Variants in CFTR observed in about 807,000 individuals in gnomAD.
CFTR encodes CF transmembrane conductance regulator.
In CFTR, 181 loss-of-function variants were observed where a neutral mutation model predicts 171.6. The ratio of observed to expected loss-of-function variants is 1.05; its 90% CI spans 0.93 to 1.19. The LOEUF is 1.19. CFTR is among the 50% of genes most tolerant of loss of function. The pLI, the probability that CFTR is intolerant of heterozygous loss-of-function variation, is 0.00. For synonymous variants in CFTR, 583 were observed against 608.0 expected, an observed-to-expected ratio of 0.96 and a Z score of 0.60; for missense variants, 1,968 against 1,734.7, an observed-to-expected ratio of 1.13 and a Z score of -2.39.
intron 1 of CFTR, among the ~76,000 whole-genome samples, chr7:117,503,842 T>G (rs1217424894): frequency 6.6e-6 from 1 of 152,214 alleles, no homozygotes; most frequent in Non-Finnish European, 1.5e-5. Flanking sequence ...AAATGTTGAT[T>G]AAGTGCATGT....
chr7:117,509,216 A>G, intron 3 of CFTR, 74 bp downstream of exon 3: 2 of 910,852 alleles, frequency 2.2e-6, no homozygotes, highest in East Asian at 4.8e-5. Context: ...AAAGACTACG[A>G]AATCTGGTGA....
intron 2 of CFTR, among the ~76,000 whole-genome samples, chr7:117,504,622 T>C (rs1317727249): frequency 2.0e-5 from 3 of 151,836 alleles, no homozygotes; most frequent in Non-Finnish European, 1.5e-5. Flanking sequence ...GGAATGGTAG[T>C]GCATGCTTGT....
At chr7:117,656,359 G>A (rs1201817445) in intron 24 of CFTR, among the ~76,000 whole-genome samples, 1 of 152,144 alleles carries the variant, frequency 6.6e-6, no homozygotes, top group Non-Finnish European at 1.5e-5. Context: ...AAGTCGCCAG[G>A]AATCGTCTGC....
Position 117,667,379 on chromosome 7 carries a change from T to C in CFTR, c.*271T>C. The C allele has an allele frequency of 2.3e-6, 1 of 431,814 alleles. No individual in the cohort carries two copies. The highest frequency in any genetic ancestry group is 2.1e-5 in the South Asian group (1 of 47,512). 26.7% of individuals were successfully genotyped at this position (431,814 alleles called of 1,614,324 possible). ...CCACTTGTGTTTTGCAAGCCAGATTTTCCTGAAAACCCTTGCCATGTGCTA... is the reference window on the plus strand; with the variant it reads ...CCACTTGTGTTTTGCAAGCCAGATTCTCCTGAAAACCCTTGCCATGTGCTA... On this transcript the variant is annotated 3_prime_UTR_variant, in exon 27 of 27. Coordinates refer to ENST00000003084, the MANE Select transcript of CFTR (RefSeq NM_000492.4).
intron 11 of CFTR, among the ~76,000 whole-genome samples, chr7:117,561,042 A>G (rs1799455878): frequency 6.6e-6 from 1 of 152,152 alleles, no homozygotes; most frequent in Non-Finnish European, 1.5e-5. Context: ...GTCAACCTTT[A>G]AAAGTATATT....
chr7:117,483,739 T>C (rs1229026114), intron 1 of CFTR, among the ~76,000 whole-genome samples: 1 of 152,012 alleles, frequency 6.6e-6, no homozygotes, highest in Non-Finnish European at 1.5e-5. Context: ...GCTAACTTTT[T>C]TTTTTTTTAA....
chr7:117,549,446 A>C (rs935348717), intron 10 of CFTR, among the ~76,000 whole-genome samples: 3 of 152,342 alleles, frequency 2.0e-5, no homozygotes, highest in Admixed American at 6.5e-5. Context: ...AAACAGCAAA[A>C]GGACCAAAAC....
intron 26 of CFTR, among the ~76,000 whole-genome samples, chr7:117,666,294 G>A (rs1173698023): frequency 6.6e-6 from 1 of 152,164 alleles, no homozygotes; most frequent in East Asian, 1.9e-4. Context: ...GATGTATCAC[G>A]TCATTTCTGT....
intron 11 of CFTR, among the ~76,000 whole-genome samples, chr7:117,577,487 A>G (rs2115990663): frequency 6.6e-6 from 1 of 152,248 alleles, no homozygotes; most frequent in Non-Finnish European, 1.5e-5. Flanking sequence ...GAGGAAAAAA[A>G]GGGCTTTCCT....
chr7:117,621,666 G>C (rs934468493), intron 21 of CFTR, among the ~76,000 whole-genome samples: 17 of 152,198 alleles, frequency 1.1e-4, no homozygotes, highest in Admixed American at 3.3e-4. Context: ...GATGCTTAGA[G>C]AAAAATCATA....
chr7:117,541,625 G>A (rs963017378), intron 8 of CFTR, among the ~76,000 whole-genome samples: 1 of 146,596 alleles, frequency 6.8e-6, no homozygotes, highest in Non-Finnish European at 1.5e-5. Flanking sequence ...TTAATAAGGA[G>A]CGTGCTATTA....
At chr7:117,620,098 A>G (rs1792551942) in intron 21 of CFTR, among the ~76,000 whole-genome samples, 3 of 151,590 alleles carry the variant, frequency 2.0e-5, no homozygotes, top group Admixed American at 1.3e-4. Flanking sequence ...TCTCCTTTTA[A>G]TGGTTTCTTG....
chr7:117,559,062 A>T (rs1461128852), intron 10 of CFTR, among the ~76,000 whole-genome samples: 2 of 152,206 alleles, frequency 1.3e-5, no homozygotes, highest in Non-Finnish European at 2.9e-5. Flanking sequence ...AAGGTAATCT[A>T]CTTTGTAGGA....
chr7:117,551,134 C>T (rs950757961), intron 10 of CFTR, among the ~76,000 whole-genome samples: 1 of 152,156 alleles, frequency 6.6e-6, no homozygotes, highest in African/African-American at 2.4e-5. Context: ...CATTATAACA[C>T]TGCTTTCAGG....
At chr7:117,599,449 C>T (rs1346197202) in intron 15 of CFTR, among the ~76,000 whole-genome samples, 1 of 151,964 alleles carries the variant, frequency 6.6e-6, no homozygotes, top group African/African-American at 2.4e-5. Context: ...AAACAGTGGT[C>T]CTTTAGGGAA....
rs769282153 is a variant in CFTR, at chr7:117,592,382, G to A, written c.2215G>A (p.Val739Ile). 7 of 1,614,032 alleles carry A rather than the reference G, an allele frequency of 4.3e-6. No homozygotes were observed. The highest frequency in any genetic ancestry group is 5.9e-6 in the Non-Finnish European group (7 of 1,180,008). ...GCCTTTAGAGAGAAGGCTGTCCTTA[G>A]TACCAGATTCTGAGCAGGGAGAGGC... ...DEPLERRLSL[V>I]PDSEQGEAIL... The change falls in exon 14 of 27, where the codon GTA becomes ATA. Residue 739 changes from valine (V) to isoleucine (I), a missense_variant. Physicochemically the swap from Val to Ile is conservative, Grantham distance 29 (BLOSUM62 3). Coordinates refer to ENST00000003084, the MANE Select transcript of CFTR (RefSeq NM_000492.4).
rs1377148992 is a variant in CFTR, at chr7:117,535,240, T to G, written c.580-8T>G. The G allele has an allele frequency of 6.2e-7, 1 of 1,614,104 alleles. No individual in the cohort carries two copies. Among genetic ancestry groups the G allele is most frequent in the Admixed American group, 1.7e-5 (1 of 60,016 alleles). ...GACACCTGTTTTTGCTGTGCTTTTA[T>G]TTTCCAGGGACTTGCATTGGCACAT... On this transcript the variant is annotated splice_polypyrimidine_tract_variant and splice_region_variant and intron_variant, in intron 5 of 26. Coordinates refer to ENST00000003084, the MANE Select transcript of CFTR (RefSeq NM_000492.4).
At chr7:117,530,839 C>G in intron 3 of CFTR, 60 bp from the exon 4 acceptor site, 1 of 1,154,306 alleles carries the variant, frequency 8.7e-7, no homozygotes, top group South Asian at 1.3e-5. Flanking sequence ...TGTTGAAATT[C>G]TCAGGGTATT....
chr7:117,501,781 A>AAAAAAAAAAC (rs1798335354), intron 1 of CFTR, among the ~76,000 whole-genome samples: 1 of 139,006 alleles, frequency 7.2e-6, no homozygotes, highest in African/African-American at 2.7e-5. Flanking sequence ...AGAAACAAAA[A>AAAAAAAAAAC]AAAAAAAAAA....
Sources: gnomAD v4.1 joint callset for allele counts (sites outside exome capture counted in the v4.1 genomes callset) on GRCh38, gnomAD v4.1.1 for gene constraint, MANE v1.5 for transcripts, NCBI Gene and HGNC (gene_info 2026-07-23, HGNC 2026-07-21) for gene names.